COPB1: variants seen among roughly 807,000 people sequenced by gnomAD.
COPB1 encodes coatomer subunit beta.
Under a neutral mutation model 108.7 loss-of-function variants are expected in COPB1, and 21 were observed. That is an observed-to-expected ratio of 0.19 (90% CI 0.14 to 0.28). COPB1 has a LOEUF of 0.28. COPB1 is among the 10% of genes least tolerant of loss of function. The pLI is 1.00. For synonymous variants in COPB1, 378 were observed against 386.8 expected (o/e 0.98, Z 0.27); for missense variants, 919 against 1,141.3 (o/e 0.81, Z 2.81).
At chr11:14,481,682 T>C (rs545279517) in intron 8 of COPB1, among the ~76,000 whole-genome samples, 3 of 152,366 alleles carry the variant, frequency 2.0e-5, no homozygotes, top group Admixed American at 2.0e-4. Context: ...AAATGTAACA[T>C]TTAAAAGATG....
intron 16 of COPB1, among the ~76,000 whole-genome samples, chr11:14,467,925 G>C (rs1850319454): frequency 6.6e-6 from 1 of 152,156 alleles, no homozygotes; most frequent in African/African-American, 2.4e-5. Flanking sequence ...TTGTTTAATG[G>C]ACATAGTTTC....
chr11:14,465,179 G>A (rs571816708), intron 17 of COPB1, 149 bp from the exon 18 acceptor site: 1 of 1,123,152 alleles, frequency 8.9e-7, no homozygotes, highest in Non-Finnish European at 1.2e-6. Flanking sequence ...ACGAATATGA[G>A]AAGAGTATGA....
intron 14 of COPB1, among the ~76,000 whole-genome samples, chr11:14,470,940 ACACACT>A (rs1278004015): frequency 0.013 from 1,089 of 85,698 alleles, 9 homozygotes; most frequent in African/African-American, 0.048. Flanking sequence ...ACACACACAC[ACACACT>A]CTCTCTCTCT....
intron 14 of COPB1, among the ~76,000 whole-genome samples, chr11:14,472,487 A>C (rs1850430517): frequency 6.6e-6 from 1 of 152,208 alleles, no homozygotes; most frequent in South Asian, 2.1e-4. Flanking sequence ...GGAAATGAGC[A>C]ATGGCTTCAA....
chr11:14,469,695 C>T (rs565923092), intron 14 of COPB1, 132 bp from the exon 15 acceptor site: 2 of 784,572 alleles, frequency 2.5e-6, no homozygotes, highest in Admixed American at 2.5e-5. Context: ...GATTTTATGT[C>T]CATATCTGTT....
intron 3 of COPB1, 123 bp from the exon 4 acceptor site, chr11:14,493,934 T>A: frequency 1.1e-6 from 1 of 890,362 alleles, no homozygotes; most frequent in Non-Finnish European, 1.6e-6. Context: ...ACCGACAATT[T>A]CCATCATATT....
rs548629121 is a variant in COPB1, at chr11:14,491,664, T to C, written c.492-985A>G. On this transcript the variant is annotated intron_variant, in intron 4 of 21. Coordinates refer to ENST00000439561, the MANE Select transcript of COPB1 (RefSeq NM_001144061.2). ...AGCCTGGGCGACAAGAGTGAAACTC[T>C]GTCTCAAAAAAAAAAAAAAAAAGGA... Among the ~76,000 whole-genome samples, 7 of 47,570 alleles carry C rather than the reference T, an allele frequency of 1.5e-4. No homozygotes were observed. In the South Asian group the frequency reaches 6.1e-3, roughly 41 times the overall value. 31.2% of individuals were successfully genotyped at this position (47,570 alleles called of 152,430 possible).
intron 6 of COPB1, among the ~76,000 whole-genome samples, chr11:14,487,839 T>C (rs1024836003): frequency 6.6e-6 from 1 of 152,200 alleles, no homozygotes. Flanking sequence ...ACCGGTGTTT[T>C]GACCATACTA....
Position 14,496,235 on chromosome 11 carries a change from C to G in COPB1, c.92-1796G>C, listed in dbSNP as rs933614751. Among the ~76,000 whole-genome samples, 4 of 152,188 alleles carry G rather than the reference C, an allele frequency of 2.6e-5. No homozygotes were observed. In the South Asian group the frequency reaches 8.3e-4, roughly 32 times the overall value. On this transcript the variant is annotated intron_variant, in intron 2 of 21. Transcript: ENST00000439561. ...TTTAGCAGTTCAATTAAACAAGAAT[C>G]ATTACTTTGGAAAGCATATTAATTA...
rs371594097 is a variant in COPB1 at position 14,494,330 on chromosome 11, T to C, written c.201A>G (p.Leu67=). Residue 67 remains leucine, a synonymous_variant, in exon 3 of 22, where the codon CTA becomes CTG. Coordinates refer to ENST00000439561, the MANE Select transcript of COPB1 (RefSeq NM_001144061.2). ...TCTTGATAGTGTGATCCTGAAGAGG[T>C]AGCACAAAACGAATGATGGTCATCA... ...GLLMTIIRFV[L]PLQDHTIKKL... 1.2e-6 allele frequency: 2 copies of C among 1,613,354 alleles called. No individual in the cohort carries two copies. The highest frequency in any genetic ancestry group is 1.1e-5 in the South Asian group (1 of 91,072).
chr11:14,460,923 T>C (rs1032927243), intron 19 of COPB1, among the ~76,000 whole-genome samples: 2 of 152,150 alleles, frequency 1.3e-5, no homozygotes, highest in Non-Finnish European at 2.9e-5. Flanking sequence ...TGGTCATACA[T>C]AGAAGGGATG....
At chr11:14,471,774 T>G (rs1014884035) in intron 14 of COPB1, among the ~76,000 whole-genome samples, 12 of 151,786 alleles carry the variant, frequency 7.9e-5, no homozygotes, top group African/African-American at 2.9e-4. Context: ...CAAAAAAAAT[T>G]AGACAGGCGT....
chr11:14,487,645 A>G (rs1000808331), intron 6 of COPB1, among the ~76,000 whole-genome samples: 4 of 152,074 alleles, frequency 2.6e-5, no homozygotes, highest in Admixed American at 2.6e-4. Context: ...ACTGCACTCC[A>G]GCCTGGGCAA....
chr11:14,467,397 G>C (rs1850307699), intron 16 of COPB1, among the ~76,000 whole-genome samples: 1 of 152,076 alleles, frequency 6.6e-6, no homozygotes, highest in Non-Finnish European at 1.5e-5. Context: ...ACAAGTGTTG[G>C]CAAGGATATG....
intron 1 of COPB1, 158 bp downstream of exon 1, chr11:14,499,549 A>G (rs879829376): frequency 6.6e-6 from 1 of 150,444 alleles, no homozygotes; most frequent in Non-Finnish European, 1.5e-5. Context: ...GGAGCGTCCG[A>G]CCCGGAGCTT....
At chr11:14,465,079 ACACACACAC>A in intron 17 of COPB1, 49 bp from the exon 18 acceptor site, 1 of 1,450,704 alleles carries the variant, frequency 6.9e-7, no homozygotes. Context: ...ACACACACAC[ACACACACAC>A]ACACACACAC....
chr11:14,497,118 C>T (rs767963392), intron 2 of COPB1, among the ~76,000 whole-genome samples: 1 of 152,110 alleles, frequency 6.6e-6, no homozygotes, highest in Non-Finnish European at 1.5e-5. Flanking sequence ...ATCTCCAGGA[C>T]GCTGGTCTGG....
In COPB1 at chr11:14,457,735, T is replaced by C. The variant is rs1850059215; in HGVS notation, c.*89A>G. 1 of 817,972 alleles carries C rather than the reference T, an allele frequency of 1.2e-6. No homozygotes were observed. The highest frequency in any genetic ancestry group is 1.4e-5 in the South Asian group (1 of 70,286). The allele number at this position is 817,972 out of a possible 1,614,324, so 50.7% of individuals were successfully genotyped here. ...GTATTCAGCATGAACTCAGATTCTA[T>C]ATAAGCATGAAAGAGTACAAAAGAT... On this transcript the variant is annotated 3_prime_UTR_variant, in exon 22 of 22. Coordinates refer to ENST00000439561, the MANE Select transcript of COPB1 (RefSeq NM_001144061.2).
chr11:14,468,511 T>C (rs971164550), intron 16 of COPB1, among the ~76,000 whole-genome samples, 170 bp downstream of exon 16: 1 of 152,206 alleles, frequency 6.6e-6, no homozygotes, highest in Non-Finnish European at 1.5e-5. Context: ...TACAGTACTA[T>C]CACATATAGT....
Sources: allele counts gnomAD v4.1 joint callset (sites outside exome capture counted in the v4.1 genomes callset), GRCh38; gene constraint gnomAD v4.1.1; transcripts MANE v1.5; gene names NCBI Gene and HGNC (gene_info 2026-07-23, HGNC 2026-07-21).